The following ADAMTSL1 variants were observed in gnomAD, a reference collection of about 807,000 sequenced individuals.
ADAMTSL1 encodes ADAMTS-like protein 1.
A neutral mutation model predicts 201.8 loss-of-function variants in ADAMTSL1; 126 were observed. That is an observed-to-expected ratio of 0.62 (90% confidence interval 0.54 to 0.72). The LOEUF (loss-of-function observed/expected upper bound fraction) is 0.72, where lower values mean the gene tolerates loss of function less well. Ranked by LOEUF, ADAMTSL1 falls within the 30% of genes least tolerant of loss-of-function variation. The pLI, the probability that ADAMTSL1 is intolerant of heterozygous loss-of-function variation, is 0.00. For missense variants in ADAMTSL1, 2,679 were observed against 2,277.8 expected, an observed-to-expected ratio of 1.18 and a Z score of -3.59; for synonymous variants, 1,121 against 903.4, an observed-to-expected ratio of 1.24 and a Z score of -4.32.
chr9:18,281,571 G>A (rs1832791903), intron 2 of ADAMTSL1, among the ~76,000 whole-genome samples: 1 of 152,206 alleles, frequency 6.6e-6, no homozygotes, highest in Non-Finnish European at 1.5e-5. Flanking sequence ...ACACAAAAAG[G>A]TCAACTTATT....
In ADAMTSL1 at chr9:18,610,597, G is replaced by A. The variant is rs559391159; in HGVS notation, c.475-11646G>A. On this transcript the variant is annotated intron_variant, in intron 4 of 28. Transcript: ENST00000380548. The stretch of plus-strand genomic sequence containing the variant: ...TAACAGACTTTGAAAGCAGGATATC[G>A]ATAGCACTGTCAAAGAAGTTTCAAA... Among the ~76,000 whole-genome samples the A allele has an allele frequency of 2.0e-5, 3 of 152,254 alleles. 1 individual carries two copies. The South Asian group carries it at 6.2e-4, about 32-fold the overall frequency.
intron 4 of ADAMTSL1, among the ~76,000 whole-genome samples, chr9:18,593,030 C>T (rs547569853): frequency 6.6e-6 from 1 of 152,170 alleles, no homozygotes; most frequent in East Asian, 1.9e-4. Flanking sequence ...TCATTTTTGG[C>T]ATATAGAAAT....
At chr9:18,865,098 G>C (rs563537835) in intron 23 of ADAMTSL1, among the ~76,000 whole-genome samples, 1 of 151,974 alleles carries the variant, frequency 6.6e-6, no homozygotes, top group African/African-American at 2.4e-5. Context: ...GTGCAGATTT[G>C]TTACATATGT....
At chr9:17,945,486 A>G (rs1827422674) in intron 1 of ADAMTSL1, among the ~76,000 whole-genome samples, 1 of 151,684 alleles carries the variant, frequency 6.6e-6, no homozygotes, top group Admixed American at 6.6e-5. Context: ...AAAGGATTAT[A>G]AATCATGTGG....
chr9:18,405,609 G>C (rs1818158503), intron 2 of ADAMTSL1, among the ~76,000 whole-genome samples: 1 of 150,206 alleles, frequency 6.7e-6, no homozygotes, highest in Non-Finnish European at 1.5e-5. Flanking sequence ...GAGAAGAAAG[G>C]GCAAAACTTG....
intron 23 of ADAMTSL1, among the ~76,000 whole-genome samples, chr9:18,869,495 T>G (rs1411474583): frequency 1.3e-5 from 2 of 152,206 alleles, no homozygotes; most frequent in Admixed American, 6.5e-5. Flanking sequence ...CATTTTCTAA[T>G]ATTTATGGCA....
intron 2 of ADAMTSL1, among the ~76,000 whole-genome samples, chr9:18,236,569 C>T (rs185892802): frequency 6.6e-6 from 1 of 152,272 alleles, no homozygotes; most frequent in African/African-American, 2.4e-5. Context: ...TGTGTTTGTA[C>T]TTTTCATCAA....
At chr9:18,596,305 G>A (rs150699344) in intron 4 of ADAMTSL1, among the ~76,000 whole-genome samples, 3 of 152,292 alleles carry the variant, frequency 2.0e-5, no homozygotes. Flanking sequence ...TCAGCAGTAC[G>A]TGGTGTGGGC....
At chr9:17,968,290 G>C (rs1818057737) in intron 1 of ADAMTSL1, among the ~76,000 whole-genome samples, 1 of 152,080 alleles carries the variant, frequency 6.6e-6, no homozygotes, top group South Asian at 2.1e-4. Flanking sequence ...AGGTATGGAT[G>C]CATTTGTGTG....
intron 21 of ADAMTSL1, among the ~76,000 whole-genome samples, chr9:18,821,497 CT>C (rs1425706375): frequency 6.6e-6 from 1 of 152,158 alleles, no homozygotes; most frequent in Non-Finnish European, 1.5e-5. Context: ...TTTCACAATC[CT>C]TTAGTCACAT....
chr9:18,852,478 C>T (rs1419392404), intron 23 of ADAMTSL1, among the ~76,000 whole-genome samples: 1 of 146,164 alleles, frequency 6.8e-6, no homozygotes, highest in Non-Finnish European at 1.5e-5. Context: ...ATCCTGGAAG[C>T]AGGAATAAAG....
intron 4 of ADAMTSL1, among the ~76,000 whole-genome samples, chr9:18,603,097 A>G (rs1375635915): frequency 6.6e-6 from 1 of 152,142 alleles, no homozygotes; most frequent in African/African-American, 2.4e-5. Context: ...TTCTTCTTCA[A>G]CCCCTATGGC....
At chr9:18,645,607 G>C (rs962285755) in intron 7 of ADAMTSL1, among the ~76,000 whole-genome samples, 20 of 151,850 alleles carry the variant, frequency 1.3e-4, no homozygotes, top group African/African-American at 4.8e-4. Context: ...TTCTACGTGT[G>C]GCTAGCCAGT....
At chr9:18,712,998 T>G (rs1002629309) in intron 14 of ADAMTSL1, among the ~76,000 whole-genome samples, 2 of 151,566 alleles carry the variant, frequency 1.3e-5, no homozygotes, top group African/African-American at 4.9e-5. Flanking sequence ...CCAGCCAAAC[T>G]AAGCTTCATA....
intron 1 of ADAMTSL1, among the ~76,000 whole-genome samples, chr9:17,912,923 C>G (rs1158597311): frequency 1.3e-5 from 2 of 152,088 alleles, no homozygotes; most frequent in Non-Finnish European, 2.9e-5. Context: ...GTTTTCCCAG[C>G]ACCATTTATT....
At chr9:17,992,348 T>A (rs1340043280) in intron 1 of ADAMTSL1, among the ~76,000 whole-genome samples, 1 of 152,194 alleles carries the variant, frequency 6.6e-6, no homozygotes, top group Admixed American at 6.5e-5. Flanking sequence ...TAGTACTTTG[T>A]TGCTTGTAAA....
chr9:18,054,017 A>G (rs1822059205), intron 1 of ADAMTSL1, among the ~76,000 whole-genome samples: 1 of 152,042 alleles, frequency 6.6e-6, no homozygotes, highest in African/African-American at 2.4e-5. Flanking sequence ...ATATTTCAGT[A>G]GCCTGTGCAG....
chr9:18,217,329 G>GT (rs1348652866), intron 2 of ADAMTSL1, among the ~76,000 whole-genome samples: 3 of 152,178 alleles, frequency 2.0e-5, no homozygotes, highest in South Asian at 2.1e-4. Context: ...TTGCCCGTGT[G>GT]TTTTTTTCAC....
At chr9:18,441,701 G>C (rs923446363) in intron 2 of ADAMTSL1, among the ~76,000 whole-genome samples, 1 of 152,102 alleles carries the variant, frequency 6.6e-6, no homozygotes, top group Non-Finnish European at 1.5e-5. Flanking sequence ...TCTATAATAG[G>C]AGATGCTAAG....
Sources: gnomAD v4.1 joint callset for allele counts (sites outside exome capture counted in the v4.1 genomes callset) on GRCh38, gnomAD v4.1.1 for gene constraint, MANE v1.5 for transcripts, NCBI Gene and HGNC (gene_info 2026-07-23, HGNC 2026-07-21) for gene names.